The following ARHGAP6 variants were observed in gnomAD, a reference collection of about 807,000 sequenced individuals.
The protein encoded by ARHGAP6 is rho GTPase-activating protein 6.
In ARHGAP6, 16 loss-of-function variants were observed where a neutral mutation model predicts 55.7. That is an observed-to-expected ratio of 0.29 (90% confidence interval 0.19 to 0.44). The LOEUF (loss-of-function observed/expected upper bound fraction) is 0.44, where lower values mean the gene tolerates loss of function less well. Among genes scored for constraint, ARHGAP6 ranks in the 20% least tolerant of loss-of-function variants. The pLI, the probability that ARHGAP6 is intolerant of heterozygous loss-of-function variation, is 1.00. For synonymous variants in ARHGAP6, 382 were observed against 360.9 expected, an observed-to-expected ratio of 1.06 and a Z score of -0.66; for missense variants, 698 against 808.9, an observed-to-expected ratio of 0.86 and a Z score of 1.66.
intron 10 of ARHGAP6, chrX:11,148,638 G>A (rs2045730233): frequency 2.7e-6 from 1 of 371,164 alleles, no homozygotes; most frequent in Admixed American, 2.6e-5. Context: ...ACCCTTAGCT[G>A]GTCCCTCCAG....
chrX:11,250,076 G>A (rs2047404038), intron 2 of ARHGAP6, among the ~76,000 whole-genome samples: 1 of 111,229 alleles, frequency 9.0e-6, no homozygotes, highest in South Asian at 3.7e-4. Context: ...ATTTTCATAT[G>A]TATTTTGGTT....
intron 1 of ARHGAP6, among the ~76,000 whole-genome samples, chrX:11,340,087 C>A (rs1343456833): frequency 8.9e-6 from 1 of 112,353 alleles, no homozygotes; most frequent in Non-Finnish European, 1.9e-5. Flanking sequence ...TGCAAATCAA[C>A]TGGTCCCCTG....
intron 1 of ARHGAP6, among the ~76,000 whole-genome samples, chrX:11,599,992 C>T (rs1035667216): frequency 1.8e-5 from 2 of 111,989 alleles, no homozygotes; most frequent in African/African-American, 6.5e-5. Context: ...GTAAATGGAA[C>T]AGAGATGGCA....
intron 1 of ARHGAP6, among the ~76,000 whole-genome samples, chrX:11,595,668 G>A (rs5978446): frequency 0.18 from 20,150 of 110,795 alleles, 1,519 homozygotes; most frequent in African/African-American, 0.26. Context: ...AATTTTTGCA[G>A]TCTATCCATC....
chrX:11,665,721 G>C lies in ARHGAP6; in HGVS notation c.-893C>G, dbSNP rs914469340. 8.8e-6 allele frequency: 1 copy of C among 113,121 alleles called. No homozygotes were observed. Among genetic ancestry groups the C allele is most frequent in the Non-Finnish European group, 1.9e-5 (1 of 53,433 alleles). 9.3% of individuals were successfully genotyped at this position (113,121 alleles called of 1,213,427 possible). A position where few individuals can be genotyped will look rare whatever the true frequency, so the allele number is the denominator to read the frequency against. ...CCAGCCTTGGGCCCAGGGCAGACGC[G>C]GAGATGACCCCGTACGCTCGCTCTA... On this transcript the variant is annotated 5_prime_UTR_variant, in exon 1 of 13. Transcript: ENST00000337414.
intron 2 of ARHGAP6, among the ~76,000 whole-genome samples, chrX:11,226,650 T>G (rs2047055202): frequency 8.9e-6 from 1 of 112,065 alleles, no homozygotes; most frequent in Admixed American, 9.5e-5. Context: ...TTTTAGGAGA[T>G]CAGCGACAGA....
chrX:11,661,935 AG>A (rs1373182549), intron 1 of ARHGAP6, among the ~76,000 whole-genome samples: 2 of 112,114 alleles, frequency 1.8e-5, no homozygotes, highest in African/African-American at 6.5e-5. Context: ...GGAAGAGGCC[AG>A]GGGTGCTGCT....
At chrX:11,573,793 C>T (rs1448734858) in intron 1 of ARHGAP6, among the ~76,000 whole-genome samples, 3 of 110,986 alleles carry the variant, frequency 2.7e-5, no homozygotes, top group Non-Finnish European at 5.7e-5. Context: ...GCCATTTTCA[C>T]GATATTGATT....
intron 1 of ARHGAP6, among the ~76,000 whole-genome samples, chrX:11,440,790 G>A (rs189531115): frequency 8.9e-6 from 1 of 112,200 alleles, no homozygotes; most frequent in East Asian, 2.8e-4. Context: ...AATTTCAGGA[G>A]ATGAGAACAA....
chrX:11,291,474 G>C (rs1012973299), intron 1 of ARHGAP6, among the ~76,000 whole-genome samples: 1 of 110,733 alleles, frequency 9.0e-6, no homozygotes, highest in Admixed American at 9.6e-5. Context: ...AAACTACAAG[G>C]CTACTAGTAA....
chrX:11,199,269 G>A lies in ARHGAP6; in HGVS notation c.749-2273C>T, dbSNP rs560765280. On this transcript the variant is annotated intron_variant, in intron 2 of 12. Coordinates refer to ENST00000337414, the MANE Select transcript of ARHGAP6 (RefSeq NM_013427.3). ...AAAGATTTTGCTCATGTCTTCTTATGAGCGTGTATGTACACAAGTCTCCCT... is the reference window on the plus strand; with the variant it reads ...AAAGATTTTGCTCATGTCTTCTTATAAGCGTGTATGTACACAAGTCTCCCT... Among the ~76,000 whole-genome samples, 12 of 112,273 alleles carry A rather than the reference G, an allele frequency of 1.1e-4. No homozygotes were observed. The South Asian group carries it at 3.7e-3, about 35-fold the overall frequency.
intron 1 of ARHGAP6, among the ~76,000 whole-genome samples, chrX:11,534,374 C>A (rs1462923081): frequency 9.0e-6 from 1 of 111,054 alleles, no homozygotes; most frequent in East Asian, 2.8e-4. Flanking sequence ...CTCCCAGTAC[C>A]CTATATCTAT....
In ARHGAP6 at chrX:11,396,451, CAG is replaced by C. The variant is rs768783765; in HGVS notation, c.589-141746_589-141745del. On this transcript the variant is annotated intron_variant, in intron 1 of 12. Transcript: ENST00000337414. Reference sequence around the variant, plus strand: ...CTCTTACTGTAGCAACTCTCTCCTCCAGAGAGGGCAGGGGTTAAAGTTATCTT... The same window carrying C: ...CTCTTACTGTAGCAACTCTCTCCTCCAGAGGGCAGGGGTTAAAGTTATCTT... Among the ~76,000 whole-genome samples the C allele has an allele frequency of 1.9e-4, 21 of 111,621 alleles. No homozygotes were observed. The South Asian group carries it at 7.2e-3, about 39-fold the overall frequency.
At chrX:11,531,084 A>G (rs923000147) in intron 1 of ARHGAP6, among the ~76,000 whole-genome samples, 1 of 112,175 alleles carries the variant, frequency 8.9e-6, no homozygotes, top group Non-Finnish European at 1.9e-5. Flanking sequence ...ATGAATTAAT[A>G]TATTCATACA....
chrX:11,297,535 G>A (rs1439369775), intron 1 of ARHGAP6, among the ~76,000 whole-genome samples: 2 of 111,986 alleles, frequency 1.8e-5, no homozygotes, highest in African/African-American at 6.5e-5. Context: ...TTTTTGTATC[G>A]ATTAAATGCC....
At chrX:11,418,247 G>A (rs1247773497) in intron 1 of ARHGAP6, among the ~76,000 whole-genome samples, 4 of 112,034 alleles carry the variant, frequency 3.6e-5, no homozygotes, top group African/African-American at 9.7e-5. Context: ...AGAATAAGAG[G>A]TACTTTCTGC....
chrX:11,521,648 T>C, intron 1 of ARHGAP6, among the ~76,000 whole-genome samples: 1 of 111,214 alleles, frequency 9.0e-6, no homozygotes, highest in Admixed American at 9.6e-5. Flanking sequence ...TGGGCTCTTT[T>C]TTGGTTCCAT....
intron 1 of ARHGAP6, among the ~76,000 whole-genome samples, chrX:11,540,901 G>A (rs2051151431): frequency 8.9e-6 from 1 of 112,423 alleles, no homozygotes; most frequent in African/African-American, 3.2e-5. Flanking sequence ...GAGCCAAACA[G>A]CTGCTGTGCA....
At chrX:11,432,552 A>G (rs1489604004) in intron 1 of ARHGAP6, among the ~76,000 whole-genome samples, 1 of 112,626 alleles carries the variant, frequency 8.9e-6, no homozygotes, top group East Asian at 2.8e-4. Context: ...ATTAATTAGA[A>G]TCTTTATTTA....
Sources: allele counts gnomAD v4.1 joint callset (sites outside exome capture counted in the v4.1 genomes callset), GRCh38; gene constraint gnomAD v4.1.1; transcripts MANE v1.5; gene names NCBI Gene and HGNC (gene_info 2026-07-23, HGNC 2026-07-21).